The following XRN1 variants were observed in gnomAD, a reference collection of about 807,000 sequenced individuals.
XRN1 encodes strand-exchange protein 1 homolog.
A neutral mutation model predicts 222.3 loss-of-function variants in XRN1; 67 were observed. The observed-to-expected ratio is 0.30, with a 90% CI of 0.25 to 0.37. XRN1 has a LOEUF of 0.37. XRN1 is among the 10% of genes least tolerant of loss of function. The pLI, the probability that XRN1 is intolerant of heterozygous loss-of-function variation, is 1.00. For missense variants in XRN1, 1,707 were observed against 2,000.2 expected (o/e 0.85, Z 2.80); for synonymous variants, 643 against 652.4 (o/e 0.99, Z 0.22).
At chr3:142,328,760 T>C (rs2065607043) in intron 37 of XRN1, among the ~76,000 whole-genome samples, 1 of 69,122 alleles carries the variant, frequency 1.4e-5, no homozygotes, top group Non-Finnish European at 2.8e-5. Flanking sequence ...TATATATATA[T>C]ATATATATAT....
intron 1 of XRN1, among the ~76,000 whole-genome samples, chr3:142,437,755 C>A (rs1185242749): frequency 6.6e-6 from 1 of 152,168 alleles, no homozygotes; most frequent in African/African-American, 2.4e-5. Context: ...AGTGAAGAGA[C>A]AACCCATAGA....
intron 35 of XRN1, 86 bp from the exon 36 acceptor site, chr3:142,332,620 G>A: frequency 8.0e-7 from 1 of 1,253,866 alleles, no homozygotes; most frequent in Non-Finnish European, 1.1e-6. Context: ...GATCTTTCTT[G>A]GAAAGAATTC....
chr3:142,420,638 TGGGA>T lies in XRN1; in HGVS notation c.1173+374_1173+377del, dbSNP rs1433242423. On this transcript the variant is annotated intron_variant, in intron 10 of 40. Coordinates refer to ENST00000392981, the MANE Select transcript of XRN1 (RefSeq NM_001282857.2). ...CCACCCATTTTGCCTCCCAAAGTGC[TGGGA>T]TTACAGGTGTGAGCCACTGCACCTG... Among the ~76,000 whole-genome samples, 185 of 152,292 alleles carry T rather than the reference TGGGA, an allele frequency of 1.2e-3. 1 individual carries two copies. The highest frequency in any genetic ancestry group is 1.9e-3 in the Non-Finnish European group (127 of 68,018).
chr3:142,411,990 T>A (rs1226655612), intron 15 of XRN1, among the ~76,000 whole-genome samples: 3 of 151,776 alleles, frequency 2.0e-5, no homozygotes, highest in African/African-American at 7.3e-5. Context: ...GCCCGGCTAA[T>A]TTTTTGTATT....
intron 1 of XRN1, among the ~76,000 whole-genome samples, chr3:142,437,292 G>A (rs2069957730): frequency 6.6e-6 from 1 of 152,082 alleles, no homozygotes; most frequent in African/African-American, 2.4e-5. Flanking sequence ...AATGTTTCTA[G>A]AATCTTACCA....
intron 8 of XRN1, 102 bp downstream of exon 8, chr3:142,422,480 T>C: frequency 4.9e-6 from 6 of 1,222,794 alleles, no homozygotes; most frequent in Non-Finnish European, 7.0e-6. Context: ...AATGTTTTTC[T>C]GCTTTAGCGT....
chr3:142,323,053 C>T lies in XRN1; in HGVS notation c.4405-4150G>A, dbSNP rs2065403808. Among the ~76,000 whole-genome samples the T allele has an allele frequency of 3.3e-5, 5 of 152,102 alleles. No individual in the cohort carries two copies. In the South Asian group the frequency reaches 1.0e-3, roughly 32 times the overall value. On this transcript the variant is annotated intron_variant, in intron 37 of 40. Transcript: ENST00000392981. ...CAGGCTGATCTCAAACTACTGAGCT[C>T]AAGTGATCCTTCTGCCTCAGCCTCC...
chr3:142,444,934 C>T (rs189067045), intron 1 of XRN1, among the ~76,000 whole-genome samples: 62 of 151,490 alleles, frequency 4.1e-4, no homozygotes, highest in African/African-American at 1.5e-3. Flanking sequence ...TTTTAATATG[C>T]ATTTCTATAT....
At chr3:142,377,098 C>T (rs1386347043) in intron 23 of XRN1, among the ~76,000 whole-genome samples, 1 of 151,830 alleles carries the variant, frequency 6.6e-6, no homozygotes, top group Non-Finnish European at 1.5e-5. Flanking sequence ...AAGTAATATT[C>T]TTTTCCCCTA....
chr3:142,422,945 G>T lies in XRN1; in HGVS notation c.711-23C>A, dbSNP rs1577412172. 5.8e-6 allele frequency: 9 copies of T among 1,559,014 alleles called. No individual in the cohort carries two copies. The East Asian group carries it at 1.8e-4, about 31-fold the overall frequency. On this transcript the variant is annotated intron_variant, in intron 6 of 40. Coordinates refer to ENST00000392981, the MANE Select transcript of XRN1 (RefSeq NM_001282857.2). ...ACCCTGGAATTAGTCAGATGATCAA[G>T]ATACAGTGAATTTTATTTTTAAGGT...
In XRN1 at chr3:142,308,326, C is replaced by G. The variant is rs1181966330; in HGVS notation, c.*3185G>C. 6.6e-6 allele frequency: 1 copy of G among 152,186 alleles called. No individual in the cohort carries two copies. The highest frequency in any genetic ancestry group is 1.5e-5 in the Non-Finnish European group (1 of 68,024). The allele number at this position is 152,186 out of a possible 1,614,324, so 9.4% of individuals were successfully genotyped here. A position where few individuals can be genotyped will look rare whatever the true frequency, so the allele number is the denominator to read the frequency against. ...GCCTCCTCTCATTAAAACCAAGAAT[C>G]TAGCTTAGTTTGGAAGTAGCAGTCT... On this transcript the variant is annotated 3_prime_UTR_variant, in exon 41 of 41. Transcript: ENST00000392981.
At chr3:142,378,794 A>C (rs1008000625) in intron 23 of XRN1, among the ~76,000 whole-genome samples, 2 of 152,164 alleles carry the variant, frequency 1.3e-5, no homozygotes, top group Admixed American at 1.3e-4. Flanking sequence ...GGAGAAGGGA[A>C]GAAAAAAGAT....
At chr3:142,351,919 A>C (rs2107816342) in intron 32 of XRN1, among the ~76,000 whole-genome samples, 1 of 150,354 alleles carries the variant, frequency 6.7e-6, no homozygotes, top group Admixed American at 6.6e-5. Context: ...AAAAAAAAAA[A>C]GGTCCCAGAA....
chr3:142,372,683 C>A (rs1046828636), intron 25 of XRN1, among the ~76,000 whole-genome samples: 7 of 152,214 alleles, frequency 4.6e-5, no homozygotes, highest in Non-Finnish European at 8.8e-5. Context: ...CGGAAAGCAG[C>A]ATTCCTGCTG....
At chr3:142,337,544 A>G (rs370753913) in intron 33 of XRN1, among the ~76,000 whole-genome samples, 11 of 152,326 alleles carry the variant, frequency 7.2e-5, no homozygotes, top group African/African-American at 2.6e-4. Context: ...TGCAATTTGG[A>G]AATCCTTTGG....
At chr3:142,404,416 A>T (rs2068265209) in intron 16 of XRN1, among the ~76,000 whole-genome samples, 1 of 150,422 alleles carries the variant, frequency 6.6e-6, no homozygotes, top group Non-Finnish European at 1.5e-5. Flanking sequence ...CCATCTGGGT[A>T]GATTATTTGC....
At chr3:142,317,241 G>A (rs2065236468) in intron 39 of XRN1, among the ~76,000 whole-genome samples, 1 of 152,260 alleles carries the variant, frequency 6.6e-6, no homozygotes, top group Non-Finnish European at 1.5e-5. Context: ...TTTTAGAAAA[G>A]TTTATTATTT....
At chr3:142,384,271 CAAAAAAAAAAAAA>C (rs1304975793) in intron 21 of XRN1, among the ~76,000 whole-genome samples, 1 of 52,684 alleles carries the variant, frequency 1.9e-5, no homozygotes, top group African/African-American at 8.1e-5. Context: ...GACTCTGTCT[CAAAAAAAAAAAAA>C]GAAAAAAAAA....
In XRN1 at chr3:142,421,161, G is replaced by T; in HGVS notation, c.1036-8C>A. On this transcript the variant is annotated splice_polypyrimidine_tract_variant and splice_region_variant and intron_variant, in intron 9 of 40. Transcript: ENST00000392981. Reference sequence around the variant, plus strand: ...GAAGTGCTCCCGATCAAACTGTACAGAAATATTTAAATTTATTTTTAAATA... The same window carrying T: ...GAAGTGCTCCCGATCAAACTGTACATAAATATTTAAATTTATTTTTAAATA... 2 of 1,557,888 alleles carry T rather than the reference G, an allele frequency of 1.3e-6. No homozygotes were observed. The highest frequency in any genetic ancestry group is 1.7e-6 in the Non-Finnish European group (2 of 1,159,356).
Sources: allele counts gnomAD v4.1 joint callset (sites outside exome capture counted in the v4.1 genomes callset), GRCh38; gene constraint gnomAD v4.1.1; transcripts MANE v1.5; gene names NCBI Gene and HGNC (gene_info 2026-07-23, HGNC 2026-07-21).